Variants in CHRM2 observed in about 807,000 individuals in gnomAD.
CHRM2 encodes muscarinic acetylcholine receptor M2.
Under a neutral mutation model 25.0 loss-of-function variants are expected in CHRM2, and 8 were observed. The ratio of observed to expected loss-of-function variants is 0.32; its 90% CI spans 0.19 to 0.58. The LOEUF (loss-of-function observed/expected upper bound fraction) is 0.58, where lower values mean the gene tolerates loss of function less well. Ranked by LOEUF, CHRM2 falls within the 20% of genes least tolerant of loss-of-function variation. The pLI, the probability that CHRM2 is intolerant of heterozygous loss-of-function variation, is 0.88. For synonymous variants in CHRM2, 202 were observed against 205.7 expected (o/e 0.98, Z 0.15); for missense variants, 440 against 567.1 (o/e 0.78, Z 2.28).
At chr7:136,964,188 A>G (rs1318486302) in intron 2 of CHRM2, among the ~76,000 whole-genome samples, 5 of 152,158 alleles carry the variant, frequency 3.3e-5, no homozygotes, top group African/African-American at 1.2e-4. Flanking sequence ...TTTTCAAAAA[A>G]AATTATTATT....
chr7:136,908,799 A>G (rs916331504), intron 2 of CHRM2, among the ~76,000 whole-genome samples: 9 of 151,958 alleles, frequency 5.9e-5, no homozygotes, highest in African/African-American at 1.9e-4. Flanking sequence ...TTCACGATCT[A>G]CAAGTTTCCC....
intron 2 of CHRM2, among the ~76,000 whole-genome samples, chr7:136,962,598 G>A (rs891932163): frequency 6.6e-6 from 1 of 152,182 alleles, no homozygotes; most frequent in African/African-American, 2.4e-5. Context: ...CCACTTAATT[G>A]AAAGTTAGTG....
At chr7:136,896,204 G>A (rs1013511505) in intron 2 of CHRM2, among the ~76,000 whole-genome samples, 3 of 152,048 alleles carry the variant, frequency 2.0e-5, no homozygotes, top group Non-Finnish European at 4.4e-5. Flanking sequence ...AAAATGAGGG[G>A]GTAGGAGTAG....
At chr7:137,003,880 A>C (rs1316980032) in intron 3 of CHRM2, among the ~76,000 whole-genome samples, 1 of 152,046 alleles carries the variant, frequency 6.6e-6, no homozygotes, top group Non-Finnish European at 1.5e-5. Flanking sequence ...GTGAGTTCTC[A>C]TGAGATCTGA....
intron 2 of CHRM2, among the ~76,000 whole-genome samples, chr7:136,930,550 T>C (rs1357600780): frequency 6.6e-6 from 1 of 151,488 alleles, no homozygotes; most frequent in African/African-American, 2.4e-5. Flanking sequence ...TTTTTGCTGA[T>C]ATATTAATTC....
At chr7:136,950,122 TA>T (rs575969360) in intron 2 of CHRM2, among the ~76,000 whole-genome samples, 25 of 152,218 alleles carry the variant, frequency 1.6e-4, no homozygotes, top group Admixed American at 3.9e-4. Context: ...CTAATTAAAC[TA>T]AACATCTCTT....
intron 3 of CHRM2, among the ~76,000 whole-genome samples, chr7:137,013,887 C>T (rs1354118018): frequency 6.6e-6 from 1 of 151,984 alleles, no homozygotes; most frequent in Non-Finnish European, 1.5e-5. Flanking sequence ...GAATGAATGA[C>T]TGAACAAACT....
Position 137,015,896 on chromosome 7 carries a change from TGGAGG to T in CHRM2, c.1032_1036del (p.Glu345SerfsTer10). On this transcript the variant is annotated frameshift_variant, in exon 4 of 4. Coordinates refer to ENST00000680005, the MANE Select transcript of CHRM2 (RefSeq NM_001006630.2). LOFTEE classifies it high-confidence loss of function. The surrounding 1 kb of genome is among the most constrained non-coding windows in gnomAD (Gnocchi z 5.1). ...TCATGTACCCCAACTAATACCACCG[TGGAGG>T]TAGTGGGGTCTTCAGGTCAGAATGG... is the stretch of plus-strand genomic sequence containing the variant. 1 of 1,612,964 alleles carries T rather than the reference TGGAGG, an allele frequency of 6.2e-7. No homozygotes were observed. The highest frequency in any genetic ancestry group is 8.5e-7 in the Non-Finnish European group (1 of 1,179,416).
chr7:136,929,225 T>G (rs923942254), intron 2 of CHRM2, among the ~76,000 whole-genome samples: 17 of 152,250 alleles, frequency 1.1e-4, no homozygotes, highest in African/African-American at 4.1e-4. Flanking sequence ...ATTCAAACTT[T>G]TGGAACCTTC....
At chr7:136,930,117 T>G (rs1331687528) in intron 2 of CHRM2, among the ~76,000 whole-genome samples, 3 of 151,920 alleles carry the variant, frequency 2.0e-5, no homozygotes, top group Non-Finnish European at 4.4e-5. Flanking sequence ...GCTCAATAAA[T>G]GCATGTATGA....
chr7:136,949,385 G>A (rs1432317970), intron 2 of CHRM2, among the ~76,000 whole-genome samples: 1 of 151,404 alleles, frequency 6.6e-6, no homozygotes, highest in African/African-American at 2.4e-5. Context: ...GGGAAGCTGA[G>A]GTGGGAGGAT....
intron 2 of CHRM2, among the ~76,000 whole-genome samples, chr7:136,909,907 T>C (rs1797749202): frequency 6.6e-6 from 1 of 151,784 alleles, no homozygotes; most frequent in South Asian, 2.1e-4. Context: ...ATTTGCAGAG[T>C]ATAACAAACA....
intron 2 of CHRM2, among the ~76,000 whole-genome samples, chr7:136,876,465 C>T (rs34617713): frequency 0.16 from 24,637 of 152,086 alleles, 2,369 homozygotes; most frequent in Non-Finnish European, 0.22. Context: ...ATTTTTAAAA[C>T]CACTTTCTAT....
chr7:136,873,599 TCATA>T (rs1034815010), intron 2 of CHRM2, among the ~76,000 whole-genome samples: 4 of 152,176 alleles, frequency 2.6e-5, no homozygotes, highest in Non-Finnish European at 4.4e-5. Flanking sequence ...TGACCCGAGA[TCATA>T]CAGCTAGTAA....
intron 2 of CHRM2, among the ~76,000 whole-genome samples, chr7:136,879,739 C>T (rs148026903): frequency 0.015 from 2,207 of 152,024 alleles, 29 homozygotes; most frequent in Non-Finnish European, 0.021. Flanking sequence ...TAGAATTCCT[C>T]TTTAAATTTC....
chr7:136,879,011 T>C (rs947722673), intron 2 of CHRM2, among the ~76,000 whole-genome samples: 4 of 151,856 alleles, frequency 2.6e-5, no homozygotes, highest in Non-Finnish European at 5.9e-5. Context: ...ACAGACTTCA[T>C]GGTAAAGGAA....
intron 2 of CHRM2, among the ~76,000 whole-genome samples, chr7:136,878,053 C>T (rs747284775): frequency 6.6e-5 from 10 of 151,960 alleles, no homozygotes; most frequent in East Asian, 1.9e-4. Flanking sequence ...TTGTTGAACA[C>T]GATGAAGATT....
chr7:136,932,203 T>C (rs547196813), intron 2 of CHRM2, among the ~76,000 whole-genome samples: 1 of 152,312 alleles, frequency 6.6e-6, no homozygotes, highest in East Asian at 1.9e-4. Context: ...GTAGGTTACA[T>C]AAATAAAACG....
intron 2 of CHRM2, among the ~76,000 whole-genome samples, chr7:136,932,968 TGCA>T (rs1799194722): frequency 6.6e-6 from 1 of 152,138 alleles, no homozygotes; most frequent in South Asian, 2.1e-4. Context: ...AGGCAGAGGT[TGCA>T]GTGGGCCCAG....
Sources: gnomAD v4.1 joint callset for allele counts (sites outside exome capture counted in the v4.1 genomes callset) on GRCh38, gnomAD v4.1.1 for gene constraint, Gnocchi (gnomAD v3.1) non-coding constraint, MANE v1.5 for transcripts, NCBI Gene and HGNC (gene_info 2026-07-23, HGNC 2026-07-21) for gene names.